The following HECW1 variants were observed in gnomAD, a reference collection of about 807,000 sequenced individuals.
HECW1 encodes the protein E3 ubiquitin-protein ligase HECW1.
In HECW1, 61 loss-of-function variants were observed where a neutral mutation model predicts 182.3. The ratio of observed to expected loss-of-function variants is 0.33; its 90% confidence interval spans 0.27 to 0.41. HECW1 has a LOEUF of 0.41. Among genes scored for constraint, HECW1 ranks in the 10% least tolerant of loss-of-function variants. The pLI is 1.00. For missense variants in HECW1, 1,739 were observed against 2,108.9 expected (o/e 0.82, Z 3.44); for synonymous variants, 859 against 832.6 (o/e 1.03, Z -0.55).
At chr7:43,549,974 G>C (rs1287280369) in intron 26 of HECW1, among the ~76,000 whole-genome samples, 1 of 152,108 alleles carries the variant, frequency 6.6e-6, no homozygotes, top group African/African-American at 2.4e-5. Context: ...AACAAAAACT[G>C]TAGCCTTTCC....
At chr7:43,488,424 A>C in intron 17 of HECW1, among the ~76,000 whole-genome samples, 1 of 61,882 alleles carries the variant, frequency 1.6e-5, no homozygotes, top group African/African-American at 3.9e-5. Flanking sequence ...GAGAGAGAGA[A>C]AGAAAGAAAG....
chr7:43,523,862 G>A lies in HECW1; in HGVS notation c.4019+14741G>A, dbSNP rs550835216. On this transcript the variant is annotated intron_variant, in intron 24 of 29. Coordinates refer to ENST00000395891, the MANE Select transcript of HECW1 (RefSeq NM_015052.5). ...GTGCCTGCAGGCGGTGGTGTGAGAG[G>A]AGGCCAAGTGGAGCCATTCATACTC... 5.3e-5 allele frequency among the ~76,000 whole-genome samples: 8 copies of A among 152,210 alleles called. No individual in the cohort carries two copies. The South Asian group carries it at 1.5e-3, about 28-fold the overall frequency.
At chr7:43,431,013 C>T (rs1384141128) in intron 8 of HECW1, among the ~76,000 whole-genome samples, 1 of 152,072 alleles carries the variant, frequency 6.6e-6, no homozygotes, top group Non-Finnish European at 1.5e-5. Context: ...AACTTCTGAG[C>T]ATTCCTCCTG....
At position 43,492,192 on chromosome 7, in the gene HECW1, G is replaced by A; in HGVS notation, c.3340+12G>A. 6 of 1,553,512 alleles carry A rather than the reference G, an allele frequency of 3.9e-6. No homozygotes were observed. The highest frequency in any genetic ancestry group is 5.2e-6 in the Non-Finnish European group (6 of 1,144,604). On this transcript the variant is annotated intron_variant, in intron 18 of 29. Coordinates refer to ENST00000395891, the MANE Select transcript of HECW1 (RefSeq NM_015052.5). ...GTCATTGCCACTGGGTATGTATCAT[G>A]CTTGTTTGAGCCCCTGGCTCAAAGA...
chr7:43,202,299 T>C (rs1368786065), intron 2 of HECW1, among the ~76,000 whole-genome samples: 2 of 152,112 alleles, frequency 1.3e-5, no homozygotes, highest in Non-Finnish European at 2.9e-5. Flanking sequence ...CTCCGTAGGA[T>C]CTCTCTCTCA....
At chr7:43,558,900 G>GA (rs1208399005) in intron 29 of HECW1, among the ~76,000 whole-genome samples, 4 of 152,168 alleles carry the variant, frequency 2.6e-5, no homozygotes, top group Admixed American at 6.5e-5. Flanking sequence ...TGGCAAACTT[G>GA]AAAAAGAGTA....
chr7:43,479,194 A>G (rs1462163931), intron 16 of HECW1, among the ~76,000 whole-genome samples: 1 of 152,118 alleles, frequency 6.6e-6, no homozygotes, highest in African/African-American at 2.4e-5. Flanking sequence ...AATCAGTGGG[A>G]GCCCTGAGCT....
chr7:43,202,882 C>T lies in HECW1; in HGVS notation c.-31-40993C>T, dbSNP rs542056630. Reference sequence around the variant, plus strand: ...TTCTCCTGGCTCAGAAGCTCCCCAACGGAGCACCTTGTGACCCCCACCCCT... The same window carrying T: ...TTCTCCTGGCTCAGAAGCTCCCCAATGGAGCACCTTGTGACCCCCACCCCT... On this transcript the variant is annotated intron_variant, in intron 2 of 29. Transcript: ENST00000395891. 7.2e-5 allele frequency among the ~76,000 whole-genome samples: 11 copies of T among 152,278 alleles called. No homozygotes were observed. In the East Asian group the frequency reaches 1.5e-3, roughly 21 times the overall value.
intron 2 of HECW1, among the ~76,000 whole-genome samples, chr7:43,141,063 T>A (rs1479972804): frequency 6.6e-6 from 1 of 152,088 alleles, no homozygotes; most frequent in Admixed American, 6.5e-5. Context: ...CATCAACAGG[T>A]GAATTGTGGG....
At chr7:43,505,566 GTTTTT>G (rs1022027662) in intron 21 of HECW1, among the ~76,000 whole-genome samples, 1 of 152,170 alleles carries the variant, frequency 6.6e-6, no homozygotes, top group African/African-American at 2.4e-5. Context: ...CTCAGGCCTT[GTTTTT>G]GTACCACTTT....
At chr7:43,529,285 T>C (rs1220705135) in intron 24 of HECW1, among the ~76,000 whole-genome samples, 1 of 152,160 alleles carries the variant, frequency 6.6e-6, no homozygotes, top group Non-Finnish European at 1.5e-5. Flanking sequence ...CCAGGCCTCC[T>C]GAGCGCCTTC....
intron 2 of HECW1, among the ~76,000 whole-genome samples, chr7:43,202,225 A>C (rs2152690167): frequency 6.6e-6 from 1 of 152,300 alleles, no homozygotes; most frequent in South Asian, 2.1e-4. Flanking sequence ...CTTGTACTAG[A>C]GTCTGCACAA....
At chr7:43,278,571 C>T (rs941556223) in intron 3 of HECW1, among the ~76,000 whole-genome samples, 7 of 152,138 alleles carry the variant, frequency 4.6e-5, no homozygotes, top group African/African-American at 1.4e-4. Flanking sequence ...AGAGCCCCAA[C>T]CATGGCCTCC....
At chr7:43,203,788 A>G (rs2152690997) in intron 2 of HECW1, among the ~76,000 whole-genome samples, 1 of 152,294 alleles carries the variant, frequency 6.6e-6, no homozygotes, top group African/African-American at 2.4e-5. Flanking sequence ...GTAATTGTGT[A>G]TTGTCATCAG....
intron 2 of HECW1, among the ~76,000 whole-genome samples, chr7:43,183,091 C>T (rs938021997): frequency 1.3e-5 from 2 of 152,108 alleles, no homozygotes; most frequent in African/African-American, 2.4e-5. Flanking sequence ...ATCTCCTAAG[C>T]GCAGTGCTCT....
chr7:43,408,335 C>T (rs564386903), intron 8 of HECW1, among the ~76,000 whole-genome samples: 2 of 152,224 alleles, frequency 1.3e-5, no homozygotes, highest in African/African-American at 4.8e-5. Flanking sequence ...TTCTCCACTC[C>T]TGAAAGTGTT....
In HECW1 at chr7:43,445,407, G is replaced by A. The variant is rs760339051; in HGVS notation, c.2235G>A (p.Ala745=). 42 of 1,613,416 alleles carry A rather than the reference G, an allele frequency of 2.6e-5. No homozygotes were observed. Among genetic ancestry groups the A allele is most frequent in the African/African-American group, 1.7e-4 (13 of 74,958 alleles). ...ACGACGAGGAGGAGGAGAACAGCGC[G>A]TTCGAGTCGGTACCCGACTCCATGC... is the stretch of plus-strand genomic sequence containing the variant. ...SQDDEEEENS[A]FESVPDSMQS... The change falls in exon 11 of 30, where the codon GCG becomes GCA. Residue 745 remains alanine (A), a synonymous_variant. Transcript: ENST00000395891.
chr7:43,485,455 T>C (rs2078593619), intron 17 of HECW1, among the ~76,000 whole-genome samples: 1 of 152,228 alleles, frequency 6.6e-6, no homozygotes, highest in South Asian at 2.1e-4. Flanking sequence ...ACAGCAGGGA[T>C]ACATTCTGAA....
chr7:43,263,810 G>T (rs1159865106), intron 3 of HECW1, among the ~76,000 whole-genome samples: 1 of 152,130 alleles, frequency 6.6e-6, no homozygotes, highest in Non-Finnish European at 1.5e-5. Flanking sequence ...TGCAGGATTT[G>T]TTGTATTCTT....
Sources: gnomAD v4.1 joint callset for allele counts (sites outside exome capture counted in the v4.1 genomes callset) on GRCh38, gnomAD v4.1.1 for gene constraint, MANE v1.5 for transcripts, NCBI Gene and HGNC (gene_info 2026-07-23, HGNC 2026-07-21) for gene names.